LTBP1: variants seen among roughly 807,000 people sequenced by gnomAD.
The protein encoded by LTBP1 is latent-transforming growth factor beta-binding protein 1.
In LTBP1, 129 loss-of-function variants were observed where a neutral mutation model predicts 207.6. That is an observed-to-expected ratio of 0.62 (90% CI 0.54 to 0.72). The LOEUF (loss-of-function observed/expected upper bound fraction) is 0.72, where lower values mean the gene tolerates loss of function less well. LTBP1 is among the 30% of genes least tolerant of loss of function. The pLI, the probability that LTBP1 is intolerant of heterozygous loss-of-function variation, is 0.00. For missense variants in LTBP1, 2,281 were observed against 2,217.2 expected (o/e 1.03, Z -0.58); for synonymous variants, 963 against 833.7 (o/e 1.16, Z -2.67).
chr2:33,062,948 ATTGT>A (rs1382281804), intron 3 of LTBP1: 2 of 152,240 alleles, frequency 1.3e-5, no homozygotes, highest in East Asian at 3.8e-4. Flanking sequence ...AAACTTATGA[ATTGT>A]TTAATTCTGG....
chr2:32,979,411 T>C (rs72791711), intron 2 of LTBP1, among the ~76,000 whole-genome samples: 15,365 of 152,108 alleles, frequency 0.1, 976 homozygotes, highest in Non-Finnish European at 0.14. Flanking sequence ...ATTGTTTCAA[T>C]AATTTAAAAA....
At chr2:33,398,237 G>A in intron 33 of LTBP1, 127 bp from the exon 34 acceptor site, 1 of 755,590 alleles carries the variant, frequency 1.3e-6, no homozygotes, top group East Asian at 2.8e-5. Context: ...TCTTGTCTGT[G>A]ACTGAAGCAA....
intron 13 of LTBP1, among the ~76,000 whole-genome samples, chr2:33,261,502 A>G (rs557242265): frequency 5.4e-4 from 82 of 152,380 alleles, no homozygotes; most frequent in Non-Finnish European, 1.0e-3. Flanking sequence ...ATTACAATAA[A>G]CTGAAAATGA....
intron 2 of LTBP1, among the ~76,000 whole-genome samples, chr2:32,991,327 T>G (rs540795745): frequency 2.0e-5 from 3 of 152,236 alleles, no homozygotes; most frequent in Non-Finnish European, 4.4e-5. Context: ...TTGTTCTTAC[T>G]TGTAAATAAA....
chr2:33,081,391 A>G (rs528202807), intron 3 of LTBP1, among the ~76,000 whole-genome samples: 1 of 152,242 alleles, frequency 6.6e-6, no homozygotes, highest in African/African-American at 2.4e-5. Context: ...GCCCACATGT[A>G]TGGACACACA....
chr2:32,959,621 A>ATATTTTTTTTTTTTT (rs1475834284), intron 2 of LTBP1, among the ~76,000 whole-genome samples: 5 of 36,672 alleles, frequency 1.4e-4, no homozygotes, highest in Middle Eastern at 0.024. Flanking sequence ...ATATATATAT[A>ATATTTTTTTTTTTTT]TTTTTTTTTT....
At chr2:33,241,271 A>G (rs1452126489) in intron 9 of LTBP1, among the ~76,000 whole-genome samples, 5 of 152,300 alleles carry the variant, frequency 3.3e-5, no homozygotes, top group South Asian at 2.1e-4. Flanking sequence ...CAGTCATAAC[A>G]GGAAGAGTCT....
At chr2:32,969,124 C>T (rs895985829) in intron 2 of LTBP1, among the ~76,000 whole-genome samples, 4 of 151,686 alleles carry the variant, frequency 2.6e-5, no homozygotes, top group African/African-American at 9.7e-5. Flanking sequence ...TGGGGTTTCA[C>T]CATGTTGGCC....
At chr2:33,214,819 C>G (rs1030261131) in intron 7 of LTBP1, among the ~76,000 whole-genome samples, 2 of 151,688 alleles carry the variant, frequency 1.3e-5, no homozygotes, top group African/African-American at 4.8e-5. Flanking sequence ...CTGACTTACA[C>G]TAGGGCTTTT....
chr2:33,169,811 G>A (rs1572954574), intron 5 of LTBP1, among the ~76,000 whole-genome samples: 2 of 152,070 alleles, frequency 1.3e-5, no homozygotes, highest in South Asian at 4.1e-4. Flanking sequence ...TAAGAGATAG[G>A]TAAAATATAT....
chr2:32,984,766 CAAA>C (rs35404252), intron 2 of LTBP1, among the ~76,000 whole-genome samples: 1 of 143,168 alleles, frequency 7.0e-6, no homozygotes. Flanking sequence ...ACTAAAAATA[CAAA>C]AAAAAAAAAA....
chr2:33,296,757 A>G (rs1419239910), intron 20 of LTBP1, among the ~76,000 whole-genome samples: 1 of 152,132 alleles, frequency 6.6e-6, no homozygotes, highest in African/African-American at 2.4e-5. Context: ...AAGGCAGCAT[A>G]TCGGATGCTA....
intron 7 of LTBP1, among the ~76,000 whole-genome samples, chr2:33,212,400 G>A (rs1220533897): frequency 3.9e-5 from 6 of 152,214 alleles, no homozygotes; most frequent in Admixed American, 2.0e-4. Flanking sequence ...TTAGGAGGCC[G>A]TCTGCCTAGA....
chr2:33,296,717 G>A (rs940949271), intron 20 of LTBP1, among the ~76,000 whole-genome samples: 4 of 152,024 alleles, frequency 2.6e-5, no homozygotes, highest in African/African-American at 7.2e-5. Flanking sequence ...AATGTCTAAA[G>A]TCTAGTATTT....
rs535568710 is a variant in LTBP1 at position 33,101,586 on chromosome 2, C to G, written c.864-8996C>G. ...TAAGTGGTAGAGCTCAGGTTTGGTTCTTAGAATTCAGTTAAAAAGTCTCGT... is the reference window on the plus strand; with the variant it reads ...TAAGTGGTAGAGCTCAGGTTTGGTTGTTAGAATTCAGTTAAAAAGTCTCGT... On this transcript the variant is annotated intron_variant, in intron 3 of 33. Coordinates refer to ENST00000404816, the MANE Select transcript of LTBP1 (RefSeq NM_206943.4). Among the ~76,000 whole-genome samples, 3 of 152,242 alleles carry G rather than the reference C, an allele frequency of 2.0e-5. No homozygotes were observed. The South Asian group carries it at 6.2e-4, about 32-fold the overall frequency.
intron 5 of LTBP1, among the ~76,000 whole-genome samples, chr2:33,179,843 T>C (rs1286705373): frequency 1.3e-5 from 2 of 152,110 alleles, no homozygotes; most frequent in Admixed American, 1.3e-4. Flanking sequence ...TAATCTATCA[T>C]TTATATTCTT....
chr2:33,040,777 G>A lies in LTBP1; in HGVS notation c.863+19571G>A, dbSNP rs142555861. 1.6e-3 allele frequency among the ~76,000 whole-genome samples: 246 copies of A among 152,296 alleles called. 4 individuals are homozygous for A. The highest frequency in any genetic ancestry group is 0.011 in the East Asian group (56 of 5,188). The stretch of plus-strand genomic sequence containing the variant: ...GGCATAGAGCAGTTGGAACAGAGCC[G>A]GCTGCAGTGCAGGGTCACTTGCTTT... On this transcript the variant is annotated intron_variant, in intron 3 of 33. Coordinates refer to ENST00000404816, the MANE Select transcript of LTBP1 (RefSeq NM_206943.4).
In LTBP1 at chr2:32,975,583, G is replaced by GTT. The variant is rs779168923; in HGVS notation, c.565+26675_565+26676dup. 6.4e-5 allele frequency among the ~76,000 whole-genome samples: 2 copies of GTT among 31,382 alleles called. 1 individual carries two copies. Among genetic ancestry groups the GTT allele is most frequent in the African/African-American group, 2.7e-4 (2 of 7,286 alleles). 20.6% of individuals were successfully genotyped at this position (31,382 alleles called of 152,430 possible). ...TTGTTGGAGGTTTCATTCATTCTTT[G>GTT]TTTTTTTTTTTTTTTTTTTTTTTTT... On this transcript the variant is annotated intron_variant, in intron 2 of 33. Coordinates refer to ENST00000404816, the MANE Select transcript of LTBP1 (RefSeq NM_206943.4).
intron 24 of LTBP1, among the ~76,000 whole-genome samples, chr2:33,338,723 C>G (rs969967665): frequency 1.3e-5 from 2 of 151,988 alleles, no homozygotes; most frequent in African/African-American, 4.8e-5. Flanking sequence ...CATGGAGATT[C>G]CAGAGACGGA....
Sources: allele counts gnomAD v4.1 joint callset (sites outside exome capture counted in the v4.1 genomes callset), GRCh38; gene constraint gnomAD v4.1.1; transcripts MANE v1.5; gene names NCBI Gene and HGNC (gene_info 2026-07-23, HGNC 2026-07-21).